Variants in THSD7B observed in about 807,000 individuals in gnomAD.
The protein encoded by THSD7B is thrombospondin type-1 domain-containing protein 7B.
A neutral mutation model predicts 213.6 loss-of-function variants in THSD7B; 138 were observed. The observed-to-expected ratio is 0.65, with a 90% CI of 0.56 to 0.74. THSD7B has a LOEUF of 0.74. Ranked by LOEUF, THSD7B falls within the 30% of genes least tolerant of loss-of-function variation. The pLI is 0.00. For synonymous variants in THSD7B, 742 were observed against 687.0 expected (o/e 1.08, Z -1.25); for missense variants, 1,931 against 1,991.5 (o/e 0.97, Z 0.58).
chr2:137,506,811 C>G (rs113202588), intron 15 of THSD7B, among the ~76,000 whole-genome samples: 10 of 152,200 alleles, frequency 6.6e-5, no homozygotes, highest in Non-Finnish European at 1.2e-4. Context: ...CAAGATGACC[C>G]AGCCTCCGGG....
chr2:137,185,614 A>C (rs1680536502), intron 7 of THSD7B, among the ~76,000 whole-genome samples: 1 of 152,138 alleles, frequency 6.6e-6, no homozygotes, highest in Non-Finnish European at 1.5e-5. Flanking sequence ...TGATGTATAC[A>C]TACCGCATTT....
At chr2:137,187,473 C>T (rs1680572062) in intron 7 of THSD7B, among the ~76,000 whole-genome samples, 1 of 152,276 alleles carries the variant, frequency 6.6e-6, no homozygotes, top group South Asian at 2.1e-4. Flanking sequence ...TTCCTTTTGC[C>T]TGAAGAACTG....
chr2:136,778,274 A>G (rs1681651052), intron 1 of THSD7B, among the ~76,000 whole-genome samples: 1 of 152,146 alleles, frequency 6.6e-6, no homozygotes, highest in Non-Finnish European at 1.5e-5. Context: ...GAGGTCTCAT[A>G]CTTAGTTTTC....
chr2:137,432,938 C>G (rs773126827), intron 14 of THSD7B, among the ~76,000 whole-genome samples: 1 of 152,156 alleles, frequency 6.6e-6, no homozygotes, highest in African/African-American at 2.4e-5. Context: ...TTCTCCCTTT[C>G]TAGATTGTTA....
rs556380835 is a variant in THSD7B, at chr2:137,428,349, G to A, written c.2959+16477G>A. On this transcript the variant is annotated intron_variant, in intron 14 of 27. Transcript: ENST00000409968. ...AATTTGGAATTCTCATACATTGCTC[G>A]TGAGAATACAAAATGATTCAGCTGC... Among the ~76,000 whole-genome samples, 38 of 152,206 alleles carry A rather than the reference G, an allele frequency of 2.5e-4. 1 individual carries two copies. The South Asian group carries it at 6.8e-3, about 27-fold the overall frequency.
intron 1 of THSD7B, among the ~76,000 whole-genome samples, chr2:136,866,682 G>T (rs1683338696): frequency 6.6e-6 from 1 of 152,168 alleles, no homozygotes; most frequent in Non-Finnish European, 1.5e-5. Flanking sequence ...TTAACGTATG[G>T]TTACACGCAG....
intron 15 of THSD7B, among the ~76,000 whole-genome samples, chr2:137,494,783 A>G (rs1211559478): frequency 6.6e-6 from 1 of 152,148 alleles, no homozygotes; most frequent in East Asian, 1.9e-4. Context: ...CTATGCCTCT[A>G]TGGACACCCC....
intron 27 of THSD7B, among the ~76,000 whole-genome samples, chr2:137,670,879 C>T (rs535337810): frequency 2.0e-3 from 272 of 138,954 alleles, no homozygotes; most frequent in Non-Finnish European, 3.5e-3. Context: ...CAAGATTGCG[C>T]CACTGCACTG....
intron 7 of THSD7B, among the ~76,000 whole-genome samples, chr2:137,209,053 C>T (rs772574134): frequency 1.1e-4 from 16 of 151,984 alleles, no homozygotes; most frequent in Middle Eastern, 3.2e-3. Flanking sequence ...CTATGATTAT[C>T]CTTGCTTTAA....
At chr2:137,493,497 T>C (rs192901612) in intron 15 of THSD7B, among the ~76,000 whole-genome samples, 1 of 152,278 alleles carries the variant, frequency 6.6e-6, no homozygotes, top group East Asian at 1.9e-4. Flanking sequence ...CTTCTTACTT[T>C]ACACACTCGT....
At chr2:137,530,241 T>C (rs922608760) in intron 15 of THSD7B, among the ~76,000 whole-genome samples, 7 of 151,948 alleles carry the variant, frequency 4.6e-5, no homozygotes, top group Non-Finnish European at 8.8e-5. Flanking sequence ...AACTGGAAAA[T>C]TGAACGTTTC....
intron 12 of THSD7B, among the ~76,000 whole-genome samples, chr2:137,377,576 T>A (rs1416756826): frequency 6.6e-6 from 1 of 152,104 alleles, no homozygotes; most frequent in Admixed American, 6.6e-5. Context: ...CATTTAAGAT[T>A]CAGAATATTT....
At chr2:137,134,466 G>T (rs1034432176) in intron 5 of THSD7B, among the ~76,000 whole-genome samples, 12 of 152,126 alleles carry the variant, frequency 7.9e-5, no homozygotes, top group Non-Finnish European at 1.5e-4. Context: ...CAGTGGGATG[G>T]CCCAAGTGTC....
At chr2:137,284,493 G>A (rs1172689602) in intron 12 of THSD7B, among the ~76,000 whole-genome samples, 1 of 152,116 alleles carries the variant, frequency 6.6e-6, no homozygotes, top group East Asian at 1.9e-4. Flanking sequence ...TGTGATGTTA[G>A]GGTGTCAATT....
chr2:137,331,982 G>C (rs1004039887), intron 12 of THSD7B, among the ~76,000 whole-genome samples: 1 of 152,100 alleles, frequency 6.6e-6, no homozygotes, highest in African/African-American at 2.4e-5. Flanking sequence ...TCCCACTCGC[G>C]CCTCTCCCTC....
intron 2 of THSD7B, among the ~76,000 whole-genome samples, chr2:136,952,434 C>A (rs1243429893): frequency 8.0e-6 from 1 of 125,614 alleles, no homozygotes; most frequent in Non-Finnish European, 1.6e-5. Context: ...GGGCAGAAAA[C>A]TTTTTTTTTT....
chr2:137,675,554 T>A (rs1982330), intron 27 of THSD7B, among the ~76,000 whole-genome samples: 1 of 151,380 alleles, frequency 6.6e-6, no homozygotes, highest in East Asian at 1.9e-4. Context: ...TAAACAGCCT[T>A]GGTAGTCCTT....
chr2:136,886,214 T>C lies in THSD7B; in HGVS notation c.139+3897T>C, dbSNP rs1340646278. On this transcript the variant is annotated intron_variant, in intron 2 of 27. Coordinates refer to ENST00000409968, the MANE Select transcript of THSD7B (RefSeq NM_001316349.2). ...TAGGTCAGAATAAGATTTTGTCTTT[T>C]ACTCTATGTGAGATAGAAAGACATG... Among the ~76,000 whole-genome samples, 4 of 152,262 alleles carry C rather than the reference T, an allele frequency of 2.6e-5. No homozygotes were observed. In the East Asian group the frequency reaches 7.7e-4, roughly 29 times the overall value.
At chr2:137,540,970 G>A (rs1461024995) in intron 15 of THSD7B, among the ~76,000 whole-genome samples, 1 of 151,602 alleles carries the variant, frequency 6.6e-6, no homozygotes, top group African/African-American at 2.4e-5. Context: ...GAGACTGGGT[G>A]GAAGCAAAAA....
Sources: allele counts gnomAD v4.1 joint callset (sites outside exome capture counted in the v4.1 genomes callset), GRCh38; gene constraint gnomAD v4.1.1; transcripts MANE v1.5; gene names NCBI Gene and HGNC (gene_info 2026-07-23, HGNC 2026-07-21).